BBX: variants seen among roughly 807,000 people sequenced by gnomAD.
The protein encoded by BBX is HMG box transcription factor BBX.
In BBX, 30 loss-of-function variants were observed where a neutral mutation model predicts 100.2. The observed-to-expected ratio is 0.30, with a 90% confidence interval of 0.22 to 0.41. The LOEUF (loss-of-function observed/expected upper bound fraction) is 0.41, where lower values mean the gene tolerates loss of function less well. Ranked by LOEUF, BBX falls within the 10% of genes least tolerant of loss-of-function variation. The probability of loss-of-function intolerance (pLI) is 1.00; values close to 1 mark genes in which losing one functional copy is unlikely to be tolerated. For missense variants in BBX, 1,023 were observed against 1,129.8 expected (o/e 0.91, Z 1.35); for synonymous variants, 376 against 388.1 (o/e 0.97, Z 0.37).
At chr3:107,696,798 A>C (rs1324508354) in intron 3 of BBX, among the ~76,000 whole-genome samples, 24 of 151,428 alleles carry the variant, frequency 1.6e-4, no homozygotes, top group Non-Finnish European at 2.8e-4. Context: ...AGTGTTTTCC[A>C]ACTTGGTTCC....
chr3:107,526,996 C>T (rs907243048), intron 2 of BBX, among the ~76,000 whole-genome samples: 8 of 152,124 alleles, frequency 5.3e-5, no homozygotes, highest in South Asian at 4.1e-4. Flanking sequence ...AGGAACAATT[C>T]GGTAGCCTGT....
At chr3:107,790,275 G>A (rs543320452) in intron 14 of BBX, among the ~76,000 whole-genome samples, 13 of 152,128 alleles carry the variant, frequency 8.5e-5, no homozygotes, top group South Asian at 6.2e-4. Context: ...TTACAGTTTC[G>A]TGTTCATGTG....
At chr3:107,561,057 G>A (rs1010126141) in intron 2 of BBX, among the ~76,000 whole-genome samples, 7 of 152,124 alleles carry the variant, frequency 4.6e-5, no homozygotes, top group South Asian at 2.1e-4. Flanking sequence ...TCTCATAGTC[G>A]TGACAATCAA....
chr3:107,742,021 C>T (rs1049893633), intron 7 of BBX, among the ~76,000 whole-genome samples: 2 of 152,060 alleles, frequency 1.3e-5, no homozygotes, highest in Non-Finnish European at 1.5e-5. Context: ...GATTTTAGAT[C>T]CCCAGAAGAA....
intron 2 of BBX, among the ~76,000 whole-genome samples, chr3:107,586,948 A>G (rs1300299109): frequency 2.6e-5 from 4 of 151,948 alleles, no homozygotes; most frequent in Middle Eastern, 3.4e-3. Flanking sequence ...ATGGGGTTTC[A>G]CTGTGCTGGC....
chr3:107,741,342 G>A (rs929724905), intron 7 of BBX, among the ~76,000 whole-genome samples: 7 of 152,118 alleles, frequency 4.6e-5, no homozygotes, highest in African/African-American at 1.2e-4. Context: ...CTGCATTATT[G>A]TAATTCTTAA....
chr3:107,684,272 A>G (rs2059720788), intron 3 of BBX, among the ~76,000 whole-genome samples: 1 of 152,192 alleles, frequency 6.6e-6, no homozygotes, highest in Admixed American at 6.5e-5. Flanking sequence ...TCTACATATC[A>G]TCATTAGACT....
chr3:107,778,631 G>C (rs2067525347), intron 13 of BBX, 112 bp downstream of exon 13: 1 of 1,213,208 alleles, frequency 8.2e-7, no homozygotes, highest in Admixed American at 2.5e-5. Flanking sequence ...GAGGCAGTAG[G>C]GAGTTAGAAT....
intron 4 of BBX, among the ~76,000 whole-genome samples, chr3:107,712,019 G>GCA (rs1478736541): frequency 6.6e-6 from 1 of 152,044 alleles, no homozygotes. Context: ...GGGACCACAG[G>GCA]CACACACCAC....
Position 107,773,725 on chromosome 3 carries a change from A to G in BBX, c.1915+89A>G. Reference sequence around the variant, plus strand: ...ATTGAAAACAACTGCCATAAAAAACAATATGGTATCAAAATAATACCTTAC... The same window carrying G: ...ATTGAAAACAACTGCCATAAAAAACGATATGGTATCAAAATAATACCTTAC... On this transcript the variant is annotated intron_variant, in intron 11 of 17. Transcript: ENST00000325805. This position sits in a 1 kb window ranked among gnomAD's most constrained non-coding sequence, Gnocchi z 4.1. The G allele has an allele frequency of 8.7e-7, 1 of 1,143,232 alleles. No homozygotes were observed. Among genetic ancestry groups the G allele is most frequent in the East Asian group, 2.5e-5 (1 of 39,814 alleles). 70.8% of individuals were successfully genotyped at this position (1,143,232 alleles called of 1,614,324 possible).
At chr3:107,578,928 TA>T (rs2107542288) in intron 2 of BBX, among the ~76,000 whole-genome samples, 1 of 152,226 alleles carries the variant, frequency 6.6e-6, no homozygotes, top group South Asian at 2.1e-4. Context: ...TGGGGTGAGT[TA>T]TTCTTGAGGC....
intron 2 of BBX, among the ~76,000 whole-genome samples, chr3:107,600,502 C>T (rs2053986836): frequency 6.6e-6 from 1 of 152,166 alleles, no homozygotes; most frequent in Non-Finnish European, 1.5e-5. Flanking sequence ...TTTTACAAAA[C>T]TTGGGAAATT....
At chr3:107,721,055 A>T (rs1349348864) in intron 5 of BBX, among the ~76,000 whole-genome samples, 2 of 152,084 alleles carry the variant, frequency 1.3e-5, no homozygotes, top group Non-Finnish European at 2.9e-5. Context: ...TTTATCCAGC[A>T]TTCTGAGAAA....
intron 10 of BBX, among the ~76,000 whole-genome samples, chr3:107,766,973 G>T (rs777458561): frequency 3.3e-5 from 5 of 152,156 alleles, no homozygotes; most frequent in Non-Finnish European, 5.9e-5. Flanking sequence ...AACACTGCAT[G>T]TTCTCACTTA....
At chr3:107,664,830 T>C (rs11925392) in intron 3 of BBX, among the ~76,000 whole-genome samples, 25,302 of 152,204 alleles carry the variant, frequency 0.17, 2,983 homozygotes, top group African/African-American at 0.33. Context: ...GAGGACTATT[T>C]GCAAGCTGCA....
rs1065672 is a variant in BBX at position 107,806,665 on chromosome 3, A to G, written c.*1208A>G. ...TTTGTTGCTTTTGAACATAAAACCAACCATACATAAGCAGCGCCAAGTGGA... is the reference window on the plus strand; with the variant it reads ...TTTGTTGCTTTTGAACATAAAACCAGCCATACATAAGCAGCGCCAAGTGGA... On this transcript the variant is annotated 3_prime_UTR_variant, in exon 18 of 18. Transcript: ENST00000325805. 2 of 152,178 alleles carry G rather than the reference A, an allele frequency of 1.3e-5. No homozygotes were observed. Among genetic ancestry groups the G allele is most frequent in the African/African-American group, 4.8e-5 (2 of 41,442 alleles). 9.4% of individuals were successfully genotyped at this position (152,178 alleles called of 1,614,324 possible).
chr3:107,776,382 C>G (rs962028004), intron 12 of BBX: 2 of 152,018 alleles, frequency 1.3e-5, no homozygotes, highest in Non-Finnish European at 2.9e-5. Context: ...TTTTTTTAAT[C>G]ATTTCTGAGG....
At chr3:107,607,628 A>T (rs542176695) in intron 2 of BBX, among the ~76,000 whole-genome samples, 1 of 150,938 alleles carries the variant, frequency 6.6e-6, no homozygotes, top group East Asian at 1.9e-4. Context: ...TTTCTGAGGA[A>T]CCTCCCAACC....
intron 15 of BBX, among the ~76,000 whole-genome samples, chr3:107,797,953 G>T (rs1470296781): frequency 6.6e-6 from 1 of 152,178 alleles, no homozygotes; most frequent in Non-Finnish European, 1.5e-5. Flanking sequence ...TTCTTTCCTT[G>T]GCGTGCTGGC....
Sources: gnomAD v4.1 joint callset for allele counts (sites outside exome capture counted in the v4.1 genomes callset) on GRCh38, gnomAD v4.1.1 for gene constraint, Gnocchi (gnomAD v3.1) non-coding constraint, MANE v1.5 for transcripts, NCBI Gene and HGNC (gene_info 2026-07-23, HGNC 2026-07-21) for gene names.